Variants in RORA observed in about 807,000 individuals in gnomAD.
RORA encodes nuclear receptor ROR-alpha.
A neutral mutation model predicts 69.5 loss-of-function variants in RORA; 7 were observed. The observed-to-expected ratio is 0.10, with a 90% CI of 0.06 to 0.19. The LOEUF is 0.19. RORA is among the 10% of genes least tolerant of loss of function. The pLI is 1.00. For synonymous variants in RORA, 261 were observed against 240.8 expected, an observed-to-expected ratio of 1.08 and a Z score of -0.78; for missense variants, 457 against 663.0, an observed-to-expected ratio of 0.69 and a Z score of 3.41.
chr15:61,090,010 A>T (rs2078682256), intron 1 of RORA, among the ~76,000 whole-genome samples: 1 of 152,246 alleles, frequency 6.6e-6, no homozygotes, highest in Non-Finnish European at 1.5e-5. Flanking sequence ...TCTAGCCCCC[A>T]CTTCAACTTT....
At chr15:60,803,325 C>T (rs563383141) in intron 1 of RORA, among the ~76,000 whole-genome samples, 1 of 152,290 alleles carries the variant, frequency 6.6e-6, no homozygotes, top group African/African-American at 2.4e-5. Flanking sequence ...CTACGCAATT[C>T]TTCACTCAGG....
rs544141293 is a variant in RORA at position 60,649,626 on chromosome 15, A to G, written c.196+29031T>C. Among the ~76,000 whole-genome samples, 13 of 152,284 alleles carry G rather than the reference A, an allele frequency of 8.5e-5. 1 individual carries two copies. The South Asian group carries it at 2.5e-3, about 29-fold the overall frequency. ...CAAAAGGAAGGGCCCCTCTACTGCT[A>G]TCTTCTGCAAAAGATCTGATCACTT... On this transcript the variant is annotated intron_variant, in intron 2 of 10. Transcript: ENST00000335670.
chr15:61,039,738 C>T (rs1472548430), intron 1 of RORA, among the ~76,000 whole-genome samples: 2 of 112,906 alleles, frequency 1.8e-5, no homozygotes, highest in Non-Finnish European at 3.4e-5. Context: ...GAGTGAGACT[C>T]TGTCTCAAAA....
chr15:60,806,855 C>A (rs2072666609), intron 1 of RORA, among the ~76,000 whole-genome samples: 1 of 152,034 alleles, frequency 6.6e-6, no homozygotes, highest in South Asian at 2.1e-4. Flanking sequence ...GAAAATTGGG[C>A]CAGTTTTCTT....
chr15:60,684,615 T>TCAAA (rs1194566593), intron 1 of RORA, among the ~76,000 whole-genome samples: 2 of 152,152 alleles, frequency 1.3e-5, no homozygotes, highest in Admixed American at 6.5e-5. Flanking sequence ...AGACTCCATC[T>TCAAA]CAAACAAACA....
At chr15:60,915,100 C>T (rs888489011) in intron 1 of RORA, among the ~76,000 whole-genome samples, 1 of 152,172 alleles carries the variant, frequency 6.6e-6, no homozygotes, top group Non-Finnish European at 1.5e-5. Flanking sequence ...TGAACACTAG[C>T]CTATCTAATT....
At chr15:60,867,220 T>C (rs2073499522) in intron 1 of RORA, among the ~76,000 whole-genome samples, 1 of 152,124 alleles carries the variant, frequency 6.6e-6, no homozygotes, top group Non-Finnish European at 1.5e-5. Flanking sequence ...TTGTCCTGAG[T>C]TCTTTGATCT....
intron 1 of RORA, among the ~76,000 whole-genome samples, chr15:60,760,374 T>A (rs956313260): frequency 6.6e-6 from 1 of 152,178 alleles, no homozygotes; most frequent in African/African-American, 2.4e-5. Flanking sequence ...TTGGAATAAT[T>A]CATTAGCTGA....
In RORA at chr15:61,054,093, TCAAG is replaced by T. The variant is rs568174537; in HGVS notation, c.166+174956_166+174959del. On this transcript the variant is annotated intron_variant, in intron 1 of 10. Transcript: ENST00000335670. ...GTGACTTGGAAAACTGTAGTTTGTT[TCAAG>T]CAAATCCACTTGGATTGAGCATGAA... Among the ~76,000 whole-genome samples the T allele has an allele frequency of 3.7e-3, 569 of 152,056 alleles. 1 individual carries two copies. Among genetic ancestry groups the T allele is most frequent in the Non-Finnish European group, 5.3e-3 (362 of 67,974 alleles).
At chr15:60,730,211 C>G (rs962177759) in intron 1 of RORA, among the ~76,000 whole-genome samples, 15 of 152,198 alleles carry the variant, frequency 9.9e-5, no homozygotes, top group Admixed American at 5.2e-4. Flanking sequence ...GGAAGGTCTT[C>G]CTCTATACAG....
chr15:60,943,654 G>A (rs1892770305), intron 1 of RORA, among the ~76,000 whole-genome samples: 1 of 151,940 alleles, frequency 6.6e-6, no homozygotes, highest in African/African-American at 2.4e-5. Flanking sequence ...GGTGGCTCAT[G>A]CCTGTAATCC....
At chr15:61,215,031 A>AGTTTTTT (rs1491564825) in intron 1 of RORA, among the ~76,000 whole-genome samples, 89 of 80,556 alleles carry the variant, frequency 1.1e-3, no homozygotes, top group Non-Finnish European at 1.7e-3. Flanking sequence ...CGCCCAGCTA[A>AGTTTTTT]TTTTTTTTTT....
intron 2 of RORA, among the ~76,000 whole-genome samples, chr15:60,555,239 T>C (rs574956390): frequency 6.6e-6 from 1 of 152,182 alleles, no homozygotes; most frequent in Non-Finnish European, 1.5e-5. Flanking sequence ...ATTAAATGCA[T>C]TACTCTTACC....
At chr15:60,944,853 G>C (rs1326196047) in intron 1 of RORA, among the ~76,000 whole-genome samples, 1 of 152,156 alleles carries the variant, frequency 6.6e-6, no homozygotes, top group African/African-American at 2.4e-5. Flanking sequence ...CCAGACTCCT[G>C]TGGTTGAGAT....
intron 1 of RORA, among the ~76,000 whole-genome samples, chr15:60,993,456 T>G (rs1894441540): frequency 6.6e-6 from 1 of 151,988 alleles, no homozygotes; most frequent in Non-Finnish European, 1.5e-5. Context: ...CTGGCCAACA[T>G]GGTGAAACCC....
At chr15:60,979,743 T>C (rs1893984736) in intron 1 of RORA, among the ~76,000 whole-genome samples, 1 of 151,938 alleles carries the variant, frequency 6.6e-6, no homozygotes. Flanking sequence ...TGTGTGTGTG[T>C]GTGTGCACGT....
intron 1 of RORA, among the ~76,000 whole-genome samples, chr15:60,906,719 T>C (rs1359985330): frequency 6.6e-6 from 1 of 152,176 alleles, no homozygotes; most frequent in Non-Finnish European, 1.5e-5. Flanking sequence ...GCAGAAATCT[T>C]ACTGATAGCT....
chr15:61,227,580 G>C (rs557365004), intron 1 of RORA, among the ~76,000 whole-genome samples: 15 of 152,196 alleles, frequency 9.9e-5, no homozygotes, highest in South Asian at 8.3e-4. Flanking sequence ...GCTAAGGTGG[G>C]GGGGGGGATA....
intron 1 of RORA, among the ~76,000 whole-genome samples, chr15:60,838,014 T>A (rs573224018): frequency 6.6e-6 from 1 of 152,184 alleles, no homozygotes; most frequent in South Asian, 2.1e-4. Flanking sequence ...CCCGGCTCTA[T>A]CCCATGAAGA....
Sources: allele counts gnomAD v4.1 joint callset (sites outside exome capture counted in the v4.1 genomes callset), GRCh38; gene constraint gnomAD v4.1.1; transcripts MANE v1.5; gene names NCBI Gene and HGNC (gene_info 2026-07-23, HGNC 2026-07-21).